The following MAPK10 variants were observed in gnomAD, a reference collection of about 807,000 sequenced individuals.
The protein encoded by MAPK10 is JNK3 alpha protein kinase.
MAPK10 carries 25 observed loss-of-function variants against 59.3 expected under a neutral mutation model. That is an observed-to-expected ratio of 0.42 (90% CI 0.31 to 0.59). The LOEUF (loss-of-function observed/expected upper bound fraction) is 0.59. Ranked by LOEUF, MAPK10 falls within the 20% of genes least tolerant of loss-of-function variation. The pLI is 0.15. For missense variants in MAPK10, 351 were observed against 568.9 expected (o/e 0.62, Z 3.90); for synonymous variants, 190 against 200.5 (o/e 0.95, Z 0.44).
chr4:86,389,283 C>T (rs1043257951), intron 1 of MAPK10, among the ~76,000 whole-genome samples: 15 of 152,158 alleles, frequency 9.9e-5, no homozygotes, highest in African/African-American at 3.4e-4. Context: ...GCCATGCTGC[C>T]CGTACAGCCT....
intron 2 of MAPK10, among the ~76,000 whole-genome samples, chr4:86,285,512 GCCT>G (rs2094970629): frequency 6.6e-6 from 1 of 152,064 alleles, no homozygotes; most frequent in Non-Finnish European, 1.5e-5. Flanking sequence ...ACCGTGCCTG[GCCT>G]CTAAAAACAC....
chr4:86,477,870 G>A (rs988562228), intron 1 of MAPK10, among the ~76,000 whole-genome samples: 5 of 152,016 alleles, frequency 3.3e-5, no homozygotes, highest in Non-Finnish European at 4.4e-5. Flanking sequence ...TGCACCCTTC[G>A]TCCCAGCCTC....
intron 9 of MAPK10, among the ~76,000 whole-genome samples, chr4:86,094,771 C>T (rs2053918635): frequency 1.3e-5 from 2 of 151,622 alleles, no homozygotes; most frequent in South Asian, 4.1e-4. Context: ...TTGAAAGGAA[C>T]AAAATCTGAG....
chr4:86,144,461 G>A (rs4377581), intron 4 of MAPK10, among the ~76,000 whole-genome samples: 122,731 of 152,066 alleles, frequency 0.81, 49,708 homozygotes, highest in East Asian at 0.88. Context: ...GAGTATAGAA[G>A]AACCTCTAGA....
chr4:86,072,270 T>C (rs551739121), intron 9 of MAPK10, among the ~76,000 whole-genome samples: 17 of 152,120 alleles, frequency 1.1e-4, no homozygotes, highest in African/African-American at 4.1e-4. Flanking sequence ...TGAAGTTGCT[T>C]ATCAGCTTAA....
chr4:86,214,636 A>T (rs772405146), intron 2 of MAPK10, among the ~76,000 whole-genome samples: 32 of 152,038 alleles, frequency 2.1e-4, no homozygotes, highest in Non-Finnish European at 4.4e-5. Context: ...CAATCTGAAA[A>T]GGAAATTATG....
intron 9 of MAPK10, among the ~76,000 whole-genome samples, chr4:86,091,919 A>ACCTG (rs2053286123): frequency 2.0e-5 from 3 of 151,850 alleles, no homozygotes; most frequent in Admixed American, 6.6e-5. Flanking sequence ...TGATCTGCCC[A>ACCTG]CCTCGGCCTC....
At chr4:86,464,882 G>A (rs547207350) in intron 1 of MAPK10, among the ~76,000 whole-genome samples, 37 of 151,900 alleles carry the variant, frequency 2.4e-4, no homozygotes, top group Middle Eastern at 6.9e-3. Context: ...CACCTCTTCC[G>A]GGACTTTTGA....
chr4:86,210,076 C>T lies in MAPK10; in HGVS notation c.-6-15669G>A, dbSNP rs567838296. On this transcript the variant is annotated intron_variant, in intron 2 of 13. Coordinates refer to ENST00000641462, the MANE Select transcript of MAPK10 (RefSeq NM_138982.4). ...GCTGAGAAAACTGGATATCTATATGCAGAAGAATAAAACTAGACCCTAATC... is the reference window on the plus strand; with the variant it reads ...GCTGAGAAAACTGGATATCTATATGTAGAAGAATAAAACTAGACCCTAATC... 2.7e-4 allele frequency among the ~76,000 whole-genome samples: 41 copies of T among 152,138 alleles called. 1 individual carries two copies. In the South Asian group the frequency reaches 7.3e-3, roughly 27 times the overall value.
At chr4:86,175,752 T>C (rs1022304841) in intron 3 of MAPK10, among the ~76,000 whole-genome samples, 3 of 152,142 alleles carry the variant, frequency 2.0e-5, no homozygotes, top group African/African-American at 7.2e-5. Flanking sequence ...ATTTATAAAT[T>C]ACCTAGCCTC....
chr4:86,269,794 C>T (rs898223107), intron 2 of MAPK10, among the ~76,000 whole-genome samples: 49 of 152,070 alleles, frequency 3.2e-4, no homozygotes, highest in Non-Finnish European at 1.9e-4. Context: ...TTGCTTGTCA[C>T]TATGACAACA....
intron 2 of MAPK10, among the ~76,000 whole-genome samples, chr4:86,318,039 T>C (rs1431992061): frequency 6.6e-6 from 1 of 152,180 alleles, no homozygotes; most frequent in Non-Finnish European, 1.5e-5. Context: ...TGCGTCTCTG[T>C]GTCCACATTT....
intron 1 of MAPK10, among the ~76,000 whole-genome samples, chr4:86,560,992 C>T (rs1760633739): frequency 6.6e-6 from 1 of 152,214 alleles, no homozygotes; most frequent in African/African-American, 2.4e-5. Flanking sequence ...CAGTTCACAA[C>T]CTTTTTGGCA....
At chr4:86,197,261 C>T (rs1461647724) in intron 2 of MAPK10, among the ~76,000 whole-genome samples, 1 of 151,982 alleles carries the variant, frequency 6.6e-6, no homozygotes, top group Non-Finnish European at 1.5e-5. Context: ...GTTCTCCTTG[C>T]TCTTCAAGGT....
intron 2 of MAPK10, among the ~76,000 whole-genome samples, chr4:86,267,771 AT>A (rs2094303415): frequency 6.6e-6 from 1 of 152,090 alleles, no homozygotes; most frequent in Non-Finnish European, 1.5e-5. Context: ...ACAACACCTT[AT>A]TAAAGTGGCC....
chr4:86,306,172 C>A (rs1460969837), intron 2 of MAPK10, among the ~76,000 whole-genome samples: 1 of 151,952 alleles, frequency 6.6e-6, no homozygotes, highest in African/African-American at 2.4e-5. Flanking sequence ...CACAATAAAC[C>A]CATTAAACGT....
intron 1 of MAPK10, among the ~76,000 whole-genome samples, chr4:86,524,564 CTACA>C (rs2149088877): frequency 6.6e-6 from 1 of 152,230 alleles, no homozygotes; most frequent in East Asian, 1.9e-4. Context: ...TCTAAAGAGT[CTACA>C]TTAACACCAT....
chr4:86,323,538 C>T (rs1433874826), intron 2 of MAPK10, among the ~76,000 whole-genome samples: 1 of 152,042 alleles, frequency 6.6e-6, no homozygotes, highest in Non-Finnish European at 1.5e-5. Flanking sequence ...ATGTTTAAAC[C>T]GAGTCTATCA....
At chr4:86,427,768 T>A (rs1451565840) in intron 1 of MAPK10, among the ~76,000 whole-genome samples, 1 of 152,232 alleles carries the variant, frequency 6.6e-6, no homozygotes, top group Non-Finnish European at 1.5e-5. Context: ...ACTTTATTTC[T>A]GTTCTTTAGT....
Sources: gnomAD v4.1 joint callset for allele counts (sites outside exome capture counted in the v4.1 genomes callset) on GRCh38, gnomAD v4.1.1 for gene constraint, MANE v1.5 for transcripts, NCBI Gene and HGNC (gene_info 2026-07-23, HGNC 2026-07-21) for gene names.